The following PPM1L variants were observed in gnomAD, a reference collection of about 807,000 sequenced individuals.
The protein encoded by PPM1L is protein phosphatase 1L.
In PPM1L, 13 loss-of-function variants were observed where a neutral mutation model predicts 31.4. The observed-to-expected ratio is 0.41, with a 90% CI of 0.27 to 0.66. The LOEUF (loss-of-function observed/expected upper bound fraction) is 0.66, where lower values mean the gene tolerates loss of function less well. PPM1L is among the 30% of genes least tolerant of loss of function. The pLI is 0.29. For synonymous variants in PPM1L, 184 were observed against 175.4 expected, an observed-to-expected ratio of 1.05 and a Z score of -0.39; for missense variants, 326 against 453.7, an observed-to-expected ratio of 0.72 and a Z score of 2.56.
At chr3:160,926,393 T>A (rs13064176) in intron 1 of PPM1L, among the ~76,000 whole-genome samples, 55,326 of 152,090 alleles carry the variant, frequency 0.36, 12,892 homozygotes, top group Non-Finnish European at 0.52. Context: ...TGTGTTGATA[T>A]GAAAGCTGAT....
At chr3:160,774,593 T>C (rs1260645355) in intron 1 of PPM1L, among the ~76,000 whole-genome samples, 4 of 152,368 alleles carry the variant, frequency 2.6e-5, no homozygotes, top group African/African-American at 9.6e-5. Context: ...TATTCAATCT[T>C]ACCTTCTGTT....
At chr3:161,044,165 G>A (rs1360737766) in intron 2 of PPM1L, among the ~76,000 whole-genome samples, 6 of 151,800 alleles carry the variant, frequency 4.0e-5, no homozygotes, top group South Asian at 2.1e-4. Flanking sequence ...TCAGCCTCCC[G>A]AGTAGCTGGG....
rs573014995 is a variant in PPM1L at position 161,034,057 on chromosome 3, G to C, written c.575-31346G>C. On this transcript the variant is annotated intron_variant, in intron 2 of 3. Transcript: ENST00000498165. ...GGATACGAACAGACACTTCTCAAAAGAAGACATTTATGCAGCCAACAAACT... is the reference window on the plus strand; with the variant it reads ...GGATACGAACAGACACTTCTCAAAACAAGACATTTATGCAGCCAACAAACT... Among the ~76,000 whole-genome samples, 95 of 151,128 alleles carry C rather than the reference G, an allele frequency of 6.3e-4. 1 individual carries two copies. Among genetic ancestry groups the C allele is most frequent in the African/African-American group, 2.2e-3 (90 of 41,274 alleles).
chr3:160,983,173 T>C (rs1716858003), intron 2 of PPM1L, among the ~76,000 whole-genome samples: 1 of 152,214 alleles, frequency 6.6e-6, no homozygotes, highest in South Asian at 2.1e-4. Context: ...GCCTTGCATT[T>C]TAAAATCACA....
chr3:161,054,600 A>G (rs1180467322), intron 2 of PPM1L, among the ~76,000 whole-genome samples: 1 of 152,146 alleles, frequency 6.6e-6, no homozygotes. Context: ...AACACAAGGT[A>G]GCAATGGCCT....
At chr3:160,903,208 T>TGTA in intron 1 of PPM1L, among the ~76,000 whole-genome samples, 1 of 120,038 alleles carries the variant, frequency 8.3e-6, no homozygotes, top group African/African-American at 3.1e-5. Context: ...GTGTGTATGT[T>TGTA]TGTGTGTGTG....
intron 1 of PPM1L, among the ~76,000 whole-genome samples, chr3:160,956,317 A>C (rs7610732): frequency 0.87 from 132,941 of 152,242 alleles, 58,196 homozygotes; most frequent in Middle Eastern, 0.93. Context: ...TTTAGCTCAT[A>C]TTTTTACTCT....
intron 2 of PPM1L, among the ~76,000 whole-genome samples, chr3:161,015,252 A>G (rs1250833836): frequency 1.3e-5 from 2 of 152,212 alleles, no homozygotes; most frequent in Non-Finnish European, 2.9e-5. Context: ...AGTTATTTAC[A>G]GGGCACCTCA....
At chr3:160,963,167 T>G (rs1460992823) in intron 2 of PPM1L, among the ~76,000 whole-genome samples, 11 of 152,052 alleles carry the variant, frequency 7.2e-5, no homozygotes, top group Non-Finnish European at 1.5e-5. Flanking sequence ...ACTCATATAG[T>G]CCGCCCACTT....
At chr3:160,967,253 A>G (rs1357983775) in intron 2 of PPM1L, among the ~76,000 whole-genome samples, 1 of 152,070 alleles carries the variant, frequency 6.6e-6, no homozygotes, top group Non-Finnish European at 1.5e-5. Flanking sequence ...CTGTGAATCC[A>G]TTAAACCTCT....
intron 1 of PPM1L, chr3:160,939,873 G>C (rs1715103509): frequency 1.3e-5 from 2 of 157,042 alleles, no homozygotes; most frequent in African/African-American, 4.8e-5. Flanking sequence ...CGAGTAACAG[G>C]CACAGGTTGG....
chr3:160,942,987 A>G (rs1715211639), intron 1 of PPM1L, among the ~76,000 whole-genome samples: 1 of 152,132 alleles, frequency 6.6e-6, no homozygotes, highest in African/African-American at 2.4e-5. Context: ...GAACATTGTA[A>G]TGAAGCAGGA....
At position 161,068,800 on chromosome 3, in the gene PPM1L, T is replaced by C. The variant is rs1220067014; in HGVS notation, c.737-11T>C. On this transcript the variant is annotated splice_polypyrimidine_tract_variant and intron_variant, in intron 3 of 3. Transcript: ENST00000498165. ...GCTGGTCAAACTAATGGGCTCATCC[T>C]GTCTTTCTAGGTGGTTTCATCAGTT... The C allele has an allele frequency of 6.3e-7, 1 of 1,598,048 alleles. No homozygotes were observed. Among genetic ancestry groups the C allele is most frequent in the African/African-American group, 1.3e-5 (1 of 74,170 alleles).
chr3:160,833,277 A>G (rs1191194692), intron 1 of PPM1L, among the ~76,000 whole-genome samples: 1 of 152,212 alleles, frequency 6.6e-6, no homozygotes, highest in East Asian at 1.9e-4. Context: ...TCCTTTGGGT[A>G]TATACCCAGT....
At chr3:160,789,485 G>A (rs1184779228) in intron 1 of PPM1L, among the ~76,000 whole-genome samples, 1 of 151,606 alleles carries the variant, frequency 6.6e-6, no homozygotes, top group Non-Finnish European at 1.5e-5. Context: ...AATAATAATG[G>A]TGATAAATGT....
At chr3:161,056,253 C>G (rs1719406699) in intron 2 of PPM1L, among the ~76,000 whole-genome samples, 1 of 152,150 alleles carries the variant, frequency 6.6e-6, no homozygotes, top group Non-Finnish European at 1.5e-5. Context: ...CACCCAGACA[C>G]TGATGGACAG....
rs1169896588 is a variant in PPM1L at position 161,075,998 on chromosome 3, CAT to C, written c.*6843_*6844del. 1 of 152,150 alleles carries C rather than the reference CAT, an allele frequency of 6.6e-6. No homozygotes were observed. The highest frequency in any genetic ancestry group is 1.5e-5 in the Non-Finnish European group (1 of 68,020). The allele number at this position is 152,150 out of a possible 1,614,324, so 9.4% of individuals were successfully genotyped here. ...AGGTACAACTGGGAGCGAGTTTTAA[CAT>C]AGTGGTAATTTTGCAAATGCCAACA... On this transcript the variant is annotated 3_prime_UTR_variant, in exon 4 of 4. Coordinates refer to ENST00000498165, the MANE Select transcript of PPM1L (RefSeq NM_139245.4).
intron 1 of PPM1L, among the ~76,000 whole-genome samples, chr3:160,853,750 T>A (rs868699116): frequency 1.4e-4 from 22 of 152,310 alleles, no homozygotes; most frequent in African/African-American, 5.3e-4. Context: ...CTATAAGGTG[T>A]ATACATTATG....
intron 1 of PPM1L, among the ~76,000 whole-genome samples, chr3:160,934,675 G>A (rs994066597): frequency 6.6e-6 from 1 of 151,926 alleles, no homozygotes; most frequent in African/African-American, 2.4e-5. Context: ...ATCATTGGCC[G>A]GGTGCAGTGG....
Sources: gnomAD v4.1 joint callset for allele counts (sites outside exome capture counted in the v4.1 genomes callset) on GRCh38, gnomAD v4.1.1 for gene constraint, MANE v1.5 for transcripts, NCBI Gene and HGNC (gene_info 2026-07-23, HGNC 2026-07-21) for gene names.